The following ACO2 variants were observed in gnomAD, a reference collection of about 807,000 sequenced individuals.
ACO2 encodes aconitase 2.
In ACO2, 31 loss-of-function variants were observed where a neutral mutation model predicts 84.5. The ratio of observed to expected loss-of-function variants is 0.37; its 90% CI spans 0.28 to 0.50. The LOEUF (loss-of-function observed/expected upper bound fraction) is 0.50. Among genes scored for constraint, ACO2 ranks in the 20% least tolerant of loss-of-function variants. The pLI, the probability that ACO2 is intolerant of heterozygous loss-of-function variation, is 0.97. For synonymous variants in ACO2, 414 were observed against 412.7 expected (o/e 1.00, Z -0.04); for missense variants, 685 against 1,029.3 (o/e 0.67, Z 4.58).
At chr22:41,492,066 C>T (rs1159199644) in intron 1 of ACO2, among the ~76,000 whole-genome samples, 2 of 152,206 alleles carry the variant, frequency 1.3e-5, no homozygotes, top group East Asian at 1.9e-4. Context: ...TTCTGACTTA[C>T]CTCCCTGATC....
At chr22:41,486,631 C>T (rs530671237) in intron 1 of ACO2, among the ~76,000 whole-genome samples, 9 of 151,648 alleles carry the variant, frequency 5.9e-5, no homozygotes, top group Non-Finnish European at 1.2e-4. Context: ...CCACCGTGCC[C>T]GGCCAATTTT....
At chr22:41,481,943 T>A (rs2038093241) in intron 1 of ACO2, among the ~76,000 whole-genome samples, 1 of 152,238 alleles carries the variant, frequency 6.6e-6, no homozygotes, top group Non-Finnish European at 1.5e-5. Context: ...GGTCCAAGTC[T>A]CTGTCTTCTC....
intron 1 of ACO2, among the ~76,000 whole-genome samples, chr22:41,491,418 G>C (rs765411158): frequency 2.0e-5 from 3 of 152,162 alleles, no homozygotes; most frequent in Admixed American, 6.5e-5. Flanking sequence ...AATCAGTTTA[G>C]AGTTTTAGAA....
chr22:41,489,059 G>C (rs923202962), intron 1 of ACO2, among the ~76,000 whole-genome samples: 1 of 150,968 alleles, frequency 6.6e-6, no homozygotes, highest in African/African-American at 2.4e-5. Context: ...TTTTTTTTGA[G>C]ATAAGATCTT....
At chr22:41,472,939 C>A (rs1198103360) in intron 1 of ACO2, among the ~76,000 whole-genome samples, 1 of 152,092 alleles carries the variant, frequency 6.6e-6, no homozygotes, top group Non-Finnish European at 1.5e-5. Flanking sequence ...TAACCTCTTG[C>A]ATATAAATTT....
intron 2 of ACO2, 50 bp downstream of exon 2, chr22:41,499,912 GCCTGCCCGTCA>G (rs779862754): frequency 1.2e-6 from 2 of 1,602,380 alleles, no homozygotes; most frequent in Non-Finnish European, 1.7e-6. Flanking sequence ...TGCGTCTGCT[GCCTGCCCGTCA>G]GGCAGAGAAG....
intron 1 of ACO2, among the ~76,000 whole-genome samples, chr22:41,475,186 T>A (rs1427783886): frequency 6.8e-6 from 1 of 147,836 alleles, no homozygotes; most frequent in Non-Finnish European, 1.5e-5. Context: ...TTTTTTTTTT[T>A]TTTTGAGATA....
At position 41,505,358 on chromosome 22, in the gene ACO2, A is replaced by G. The variant is rs370531783; in HGVS notation, c.174-2433A>G. ...CTTGAGCCTGAAAGGTTGAGGCTGC[A>G]GTGAGCTACAATTGTGCCACTACAC... On this transcript the variant is annotated intron_variant, in intron 2 of 17. Transcript: ENST00000216254. Among the ~76,000 whole-genome samples the G allele has an allele frequency of 1.2e-4, 18 of 152,238 alleles. 1 individual carries two copies. In the East Asian group the frequency reaches 1.4e-3, roughly 11 times the overall value.
chr22:41,485,227 T>A (rs1267825166), intron 1 of ACO2, among the ~76,000 whole-genome samples: 1 of 151,952 alleles, frequency 6.6e-6, no homozygotes, highest in East Asian at 1.9e-4. Context: ...AGGTTATAGT[T>A]CAGGTTTTTA....
intron 8 of ACO2, among the ~76,000 whole-genome samples, chr22:41,519,541 G>A (rs1569019388): frequency 6.6e-6 from 1 of 152,030 alleles, no homozygotes; most frequent in African/African-American, 2.4e-5. Context: ...CATGGTGGCT[G>A]ACACCTGTAA....
intron 6 of ACO2, 80 bp from the exon 7 acceptor site, chr22:41,517,447 A>G: frequency 9.1e-7 from 1 of 1,096,882 alleles, no homozygotes; most frequent in Non-Finnish European, 1.4e-6. Context: ...CCTGGTGTGA[A>G]GATGCAGGTG....
intron 15 of ACO2, chr22:41,526,694 G>T: frequency 2.1e-6 from 1 of 475,986 alleles, no homozygotes; most frequent in Non-Finnish European, 3.7e-6. Context: ...GATATCTTAG[G>T]ATATCTGGCC....
Position 41,515,706 on chromosome 22 carries a change from A to G in ACO2, c.685-61A>G. On this transcript the variant is annotated intron_variant, in intron 5 of 17. Coordinates refer to ENST00000216254, the MANE Select transcript of ACO2 (RefSeq NM_001098.3). The surrounding 1 kb of genome is among the most constrained non-coding windows in gnomAD (Gnocchi z 5.8). The stretch of plus-strand genomic sequence containing the variant: ...TGTGAATGGCAGCAGGGCCATCCTG[A>G]CTTCGTGGCTGGCACAGGCACACAC... 1.9e-6 allele frequency: 3 copies of G among 1,609,992 alleles called. No homozygotes were observed. The highest frequency in any genetic ancestry group is 2.5e-6 in the Non-Finnish European group (3 of 1,178,182).
chr22:41,521,619 G>T (rs2066527168), intron 9 of ACO2: 1 of 152,126 alleles, frequency 6.6e-6, no homozygotes, highest in Non-Finnish European at 1.5e-5. Flanking sequence ...TATACCGTCT[G>T]GCCGAAAATA....
At chr22:41,520,332 A>G (rs1223467638) in intron 9 of ACO2, 56 bp downstream of exon 9, 16 of 1,412,016 alleles carry the variant, frequency 1.1e-5, no homozygotes, top group Non-Finnish European at 1.6e-5. Context: ...GGCTCTGCCC[A>G]GGGCTGTAGA....
intron 1 of ACO2, among the ~76,000 whole-genome samples, chr22:41,484,839 G>GT (rs1377806882): frequency 1.3e-5 from 2 of 148,468 alleles, no homozygotes; most frequent in Non-Finnish European, 3.0e-5. Flanking sequence ...CATGTAGGTA[G>GT]TAAGTGACAG....
intron 2 of ACO2, among the ~76,000 whole-genome samples, chr22:41,507,020 C>G (rs1472538799): frequency 6.6e-6 from 1 of 151,882 alleles, no homozygotes; most frequent in Non-Finnish European, 1.5e-5. Flanking sequence ...ACGGTTGAGT[C>G]CTGACAGGGC....
intron 1 of ACO2, among the ~76,000 whole-genome samples, chr22:41,477,763 A>G (rs1436962578): frequency 2.0e-5 from 3 of 151,970 alleles, no homozygotes; most frequent in Non-Finnish European, 4.4e-5. Context: ...CTTAGCTCAT[A>G]CGTTTAAAAA....
At chr22:41,522,641 C>T (rs1234718783) in intron 9 of ACO2, among the ~76,000 whole-genome samples, 189 bp from the exon 10 acceptor site, 3 of 144,606 alleles carry the variant, frequency 2.1e-5, no homozygotes, top group Non-Finnish European at 3.1e-5. Context: ...AATGACGCCA[C>T]GTCATGAGTT....
Sources: allele counts gnomAD v4.1 joint callset (sites outside exome capture counted in the v4.1 genomes callset), GRCh38; gene constraint gnomAD v4.1.1; non-coding constraint Gnocchi (gnomAD v3.1); transcripts MANE v1.5; gene names NCBI Gene and HGNC (gene_info 2026-07-23, HGNC 2026-07-21).